The following ZNF512 variants were observed in gnomAD, a reference collection of about 807,000 sequenced individuals.
The protein encoded by ZNF512 is zinc finger protein 512.
Under a neutral mutation model 77.5 loss-of-function variants are expected in ZNF512, and 25 were observed. The observed-to-expected ratio is 0.32, with a 90% CI of 0.23 to 0.45. The LOEUF is 0.45. Among genes scored for constraint, ZNF512 ranks in the 20% least tolerant of loss-of-function variants. The pLI is 1.00. For synonymous variants in ZNF512, 246 were observed against 239.9 expected (o/e 1.03, Z -0.24); for missense variants, 483 against 692.6 (o/e 0.70, Z 3.40).
intron 10 of ZNF512, among the ~76,000 whole-genome samples, chr2:27,608,740 T>C (rs6547735): frequency 0.29 from 43,961 of 151,684 alleles, 7,627 homozygotes; most frequent in African/African-American, 0.48. Flanking sequence ...GAGCAAAGGG[T>C]CTCTTATTCT....
At chr2:27,587,054 G>A (rs1490552862) in intron 2 of ZNF512, among the ~76,000 whole-genome samples, 5 of 152,108 alleles carry the variant, frequency 3.3e-5, no homozygotes, top group African/African-American at 1.2e-4. Flanking sequence ...GTGGACAAAT[G>A]CTTTCATTTC....
rs140974474 is a variant in ZNF512 at position 27,613,520 on chromosome 2, A to G, written c.1132-1648A>G. 3.8e-3 allele frequency among the ~76,000 whole-genome samples: 572 copies of G among 151,946 alleles called. 4 individuals carry two copies. Among genetic ancestry groups the G allele is most frequent in the African/African-American group, 0.013 (548 of 41,488 alleles). ...CAAAAAAAAAAAAAAATTTATATAT[A>G]TATACAGTTGTCCCTCAGTACATGT... On this transcript the variant is annotated intron_variant, in intron 10 of 13. Transcript: ENST00000355467.
chr2:27,613,763 G>A (rs1357207270), intron 10 of ZNF512, among the ~76,000 whole-genome samples: 1 of 151,968 alleles, frequency 6.6e-6, no homozygotes, highest in Non-Finnish European at 1.5e-5. Flanking sequence ...GGTCAACTGT[G>A]TAACCTGGAA....
intron 2 of ZNF512, among the ~76,000 whole-genome samples, chr2:27,595,515 C>T (rs148687308): frequency 2.2e-4 from 34 of 152,104 alleles, no homozygotes; most frequent in Non-Finnish European, 3.4e-4. Context: ...TTAGTAGAGA[C>T]GGGGTTTCAC....
At chr2:27,601,492 T>G in intron 7 of ZNF512, 50 bp downstream of exon 7, 1 of 1,441,520 alleles carries the variant, frequency 6.9e-7, no homozygotes. Context: ...TTTTTTTTTT[T>G]GAGATGGAGT....
intron 7 of ZNF512, 108 bp downstream of exon 7, chr2:27,601,550 C>A: frequency 1.2e-6 from 1 of 851,448 alleles, no homozygotes; most frequent in South Asian, 1.6e-5. Context: ...TCTCGGCTTA[C>A]TGCAACCTCC....
intron 2 of ZNF512, among the ~76,000 whole-genome samples, chr2:27,590,099 T>C (rs1671508325): frequency 1.3e-5 from 2 of 152,346 alleles, no homozygotes; most frequent in African/African-American, 4.8e-5. Context: ...TCAGATCATT[T>C]ATGTCTTTTA....
chr2:27,617,718 G>C, intron 13 of ZNF512, 147 bp downstream of exon 13: 1 of 561,296 alleles, frequency 1.8e-6, no homozygotes, highest in Non-Finnish European at 3.2e-6. Context: ...TCTAAACTTA[G>C]ATATATAATT....
At position 27,583,060 on chromosome 2, in the gene ZNF512, C is replaced by G; in HGVS notation, c.-53C>G. On this transcript the variant is annotated 5_prime_UTR_variant, in exon 1 of 14. Transcript: ENST00000355467. Reference sequence around the variant, plus strand: ...ATCCGGGAGAGGAGAGCGGAAGTGGCGTTGGTCTGGCCGGAGCCCTTGGGT... The same window carrying G: ...ATCCGGGAGAGGAGAGCGGAAGTGGGGTTGGTCTGGCCGGAGCCCTTGGGT... The G allele has an allele frequency of 6.2e-7, 1 of 1,609,138 alleles. No individual in the cohort carries two copies. Among genetic ancestry groups the G allele is most frequent in the Non-Finnish European group, 8.5e-7 (1 of 1,175,682 alleles).
chr2:27,615,856 A>AT (rs1194099350), intron 11 of ZNF512, among the ~76,000 whole-genome samples: 1 of 152,212 alleles, frequency 6.6e-6, no homozygotes, highest in African/African-American at 2.4e-5. Context: ...TAGAGTCAAG[A>AT]TGAGGGAGAG....
rs144084742 is a variant in ZNF512, at chr2:27,599,571, A to C, written c.278-12A>C. On this transcript the variant is annotated splice_polypyrimidine_tract_variant and intron_variant, in intron 3 of 13. Coordinates refer to ENST00000355467, the MANE Select transcript of ZNF512 (RefSeq NM_032434.4). ...TGCTGAGTTTTTGTTTTGTTTTTGT[A>C]TGGTACTTCAGGGTCAGGTGGAGTA... is the stretch of plus-strand genomic sequence containing the variant. 1.3e-4 allele frequency: 210 copies of C among 1,609,876 alleles called. No individual in the cohort carries two copies. In the African/African-American group the frequency reaches 2.3e-3, roughly 18 times the overall value.
chr2:27,608,188 C>T (rs188766757), intron 10 of ZNF512, 149 bp downstream of exon 10: 17 of 719,688 alleles, frequency 2.4e-5, no homozygotes, highest in Middle Eastern at 3.8e-4. Context: ...GATCTAGCTT[C>T]GGTGTTTGGA....
intron 9 of ZNF512, among the ~76,000 whole-genome samples, chr2:27,606,440 G>T (rs532666507): frequency 6.7e-4 from 101 of 151,768 alleles, no homozygotes; most frequent in African/African-American, 2.3e-3. Flanking sequence ...TTGGCTCACT[G>T]CAACCTCCGC....
intron 3 of ZNF512, among the ~76,000 whole-genome samples, 163 bp downstream of exon 3, chr2:27,598,417 C>T (rs1334144947): frequency 1.3e-5 from 2 of 152,128 alleles, no homozygotes; most frequent in East Asian, 1.9e-4. Flanking sequence ...ATCACAAGGT[C>T]AGGAGATCGA....
intron 12 of ZNF512, 152 bp downstream of exon 12, chr2:27,616,476 G>C (rs1375736863): frequency 3.2e-6 from 2 of 617,398 alleles, no homozygotes; most frequent in South Asian, 4.3e-5. Flanking sequence ...TTCTTGGTCT[G>C]GTATTGGGTG....
chr2:27,609,449 G>T (rs568483724), intron 10 of ZNF512, among the ~76,000 whole-genome samples: 1 of 152,292 alleles, frequency 6.6e-6, no homozygotes, highest in African/African-American at 2.4e-5. Context: ...TTGTTAACTG[G>T]CTGGGCCCAG....
chr2:27,597,395 C>G (rs1671919244), intron 2 of ZNF512, among the ~76,000 whole-genome samples: 1 of 152,330 alleles, frequency 6.6e-6, no homozygotes, highest in African/African-American at 2.4e-5. Context: ...TCTGCTGCAT[C>G]TTGAGCCACC....
At chr2:27,612,432 C>T (rs918919623) in intron 10 of ZNF512, among the ~76,000 whole-genome samples, 2 of 151,802 alleles carry the variant, frequency 1.3e-5, no homozygotes, top group Non-Finnish European at 2.9e-5. Context: ...TGTTTCTGTG[C>T]CTTCTTGGTG....
intron 2 of ZNF512, among the ~76,000 whole-genome samples, chr2:27,588,082 A>G (rs527447486): frequency 2.0e-5 from 3 of 152,164 alleles, no homozygotes; most frequent in East Asian, 1.9e-4. Context: ...GAATTGTGGT[A>G]TTTAAAAAAA....
Sources: gnomAD v4.1 joint callset for allele counts (sites outside exome capture counted in the v4.1 genomes callset) on GRCh38, gnomAD v4.1.1 for gene constraint, MANE v1.5 for transcripts, NCBI Gene and HGNC (gene_info 2026-07-23, HGNC 2026-07-21) for gene names.